Variants in CLVS1 observed in about 807,000 individuals in gnomAD.
The protein encoded by CLVS1 is clavesin-1.
Under a neutral mutation model 33.1 loss-of-function variants are expected in CLVS1, and 10 were observed. That is an observed-to-expected ratio of 0.30 (90% CI 0.19 to 0.51). CLVS1 has a LOEUF of 0.51. CLVS1 is among the 20% of genes least tolerant of loss of function. The probability of loss-of-function intolerance (pLI) is 0.97; values close to 1 mark genes in which losing one functional copy is unlikely to be tolerated. For synonymous variants in CLVS1, 163 were observed against 166.1 expected (o/e 0.98, Z 0.14); for missense variants, 343 against 433.4 (o/e 0.79, Z 1.85).
At chr8:60,969,771 A>G in the CLVS1 span, among the ~76,000 whole-genome samples, 1 of 152,242 alleles carries the variant, frequency 6.6e-6, no homozygotes, top group Non-Finnish European at 1.5e-5. Context: ...TAACCAACCT[A>G]GGATCAAAAA....
chr8:61,429,265 C>T (rs150370654), intron 3 of CLVS1, among the ~76,000 whole-genome samples: 5 of 151,748 alleles, frequency 3.3e-5, no homozygotes, highest in African/African-American at 1.2e-4. Flanking sequence ...ACTAAAAATA[C>T]AAAAATTAGC....
At chr8:61,223,855 G>A (rs1243727443) in intron 2 of CLVS1, among the ~76,000 whole-genome samples, 1 of 152,050 alleles carries the variant, frequency 6.6e-6, no homozygotes, top group Non-Finnish European at 1.5e-5. Context: ...TTTCTTGGAG[G>A]CTTTGCTCAT....
intron 2 of CLVS1, among the ~76,000 whole-genome samples, chr8:61,322,150 T>C (rs1381237757): frequency 6.6e-6 from 1 of 152,188 alleles, no homozygotes; most frequent in Non-Finnish European, 1.5e-5. Context: ...GAGTAGGTGC[T>C]CATTAAATAT....
rs73685741 is a variant in CLVS1, at chr8:61,138,449, A to C, written c.-152+6589A>C. On this transcript the variant is annotated intron_variant, in intron 2 of 2. Transcript: ENST00000522621. ...GGACAGGGAGTGGCTGATCAGACTT[A>C]ACTAAATGTCTAGCTAAAATGTCTT... Among the ~76,000 whole-genome samples, 1,164 of 152,360 alleles carry C rather than the reference A, an allele frequency of 7.6e-3. 16 individuals are homozygous for C. The highest frequency in any genetic ancestry group is 0.025 in the African/African-American group (1,056 of 41,576).
intron 2 of CLVS1, among the ~76,000 whole-genome samples, chr8:61,207,718 G>T (rs1807884685): frequency 6.6e-6 from 1 of 152,146 alleles, no homozygotes; most frequent in Admixed American, 6.6e-5. Context: ...GTTTTGGTAA[G>T]GGGGAAATGA....
chr8:61,357,489 C>CTTTTTTTTTTTTTTT (rs1462908906), intron 2 of CLVS1, among the ~76,000 whole-genome samples: 7 of 30,262 alleles, frequency 2.3e-4, no homozygotes, highest in South Asian at 1.4e-3. Flanking sequence ...TTTCCTTTTT[C>CTTTTTTTTTTTTTTT]TTTTCTTTTT....
intron 3 of CLVS1, among the ~76,000 whole-genome samples, chr8:61,448,010 G>A (rs969807594): frequency 5.3e-5 from 8 of 152,052 alleles, no homozygotes; most frequent in African/African-American, 1.7e-4. Flanking sequence ...TTCTTGAAGA[G>A]CATTTTTACT....
chr8:61,153,735 C>T (rs1806592174), intron 2 of CLVS1, among the ~76,000 whole-genome samples: 1 of 152,064 alleles, frequency 6.6e-6, no homozygotes, highest in Admixed American at 6.6e-5. Flanking sequence ...AAACTCTGTG[C>T]CCTGCTTACA....
intron 2 of CLVS1, among the ~76,000 whole-genome samples, chr8:61,306,525 C>T (rs140567026): frequency 3.7e-4 from 56 of 152,148 alleles, no homozygotes; most frequent in African/African-American, 1.2e-3. Flanking sequence ...TGCTGTATAC[C>T]ACATTGTCTT....
chr8:61,241,879 T>C (rs1304018236), intron 2 of CLVS1, among the ~76,000 whole-genome samples: 1 of 152,228 alleles, frequency 6.6e-6, no homozygotes, highest in Non-Finnish European at 1.5e-5. Context: ...TCTGATTTAG[T>C]TGGCCTTCAT....
At chr8:61,182,520 A>G (rs1807259048) in intron 2 of CLVS1, among the ~76,000 whole-genome samples, 1 of 152,376 alleles carries the variant, frequency 6.6e-6, no homozygotes, top group East Asian at 1.9e-4. Flanking sequence ...AAGTGGGCAA[A>G]GAATATGAAC....
chr8:61,277,635 G>A lies in CLVS1; in HGVS notation c.-151-22042G>A, dbSNP rs138425829. ...TTTGTTCTTCCCAACAAATGCTTGG[G>A]GGGGTAGGGAAGAAATAAAGTTCTT... On this transcript the variant is annotated intron_variant, in intron 2 of 2. Coordinates refer to the CLVS1 transcript ENST00000522621. Among the ~76,000 whole-genome samples the A allele has an allele frequency of 2.1e-3, 326 of 152,204 alleles. 1 individual carries two copies. Among genetic ancestry groups the A allele is most frequent in the Non-Finnish European group, 3.9e-3 (267 of 68,012 alleles).
At chr8:61,299,467 A>G (rs1283873487) in intron 1 of CLVS1, among the ~76,000 whole-genome samples, 1 of 152,202 alleles carries the variant, frequency 6.6e-6, no homozygotes, top group African/African-American at 2.4e-5. Flanking sequence ...CATATTTCAA[A>G]TATTTGCATG....
At chr8:61,432,118 C>G (rs145434368) in intron 3 of CLVS1, among the ~76,000 whole-genome samples, 43 of 152,206 alleles carry the variant, frequency 2.8e-4, no homozygotes, top group East Asian at 1.7e-3. Flanking sequence ...AAAAAGTATG[C>G]CTTAGAATGG....
Position 61,499,594 on chromosome 8 carries a change from AC to A in CLVS1, c.*55del, listed in dbSNP as rs1351605863. The A allele has an allele frequency of 2.1e-6, 3 of 1,401,826 alleles. No individual in the cohort carries two copies. The South Asian group carries it at 3.5e-5, about 16-fold the overall frequency. The allele number at this position is 1,401,826 out of a possible 1,614,324, so 86.8% of individuals were successfully genotyped here. A position where few individuals can be genotyped will look rare whatever the true frequency, so the allele number is the denominator to read the frequency against. ...ACACTGGCCTTCAGTGGTATCAGCC[AC>A]CCAGGAAGCACATGCACAACTGACC... is the stretch of plus-strand genomic sequence containing the variant. On this transcript the variant is annotated 3_prime_UTR_variant, in exon 6 of 6. Transcript: ENST00000325897.
chr8:61,156,499 G>A (rs530231337), intron 2 of CLVS1, among the ~76,000 whole-genome samples: 1 of 151,956 alleles, frequency 6.6e-6, no homozygotes, highest in Non-Finnish European at 1.5e-5. Context: ...GGAAAAGTCC[G>A]AACTTTCCTA....
rs372995879 is a variant in CLVS1, at chr8:61,466,800, A to G, written c.977+8258A>G. Among the ~76,000 whole-genome samples the G allele has an allele frequency of 4.6e-5, 7 of 152,240 alleles. No individual in the cohort carries two copies. In the East Asian group the frequency reaches 1.2e-3, roughly 25 times the overall value. The stretch of plus-strand genomic sequence containing the variant: ...GTAGCTGGGATTACAGGTGCCCACC[A>G]CCACACTCAGCTAATTTTTTGTATT... On this transcript the variant is annotated intron_variant, in intron 5 of 5. Coordinates refer to ENST00000325897, the MANE Select transcript of CLVS1 (RefSeq NM_173519.3).
At chr8:61,466,647 T>C (rs988577528) in intron 5 of CLVS1, among the ~76,000 whole-genome samples, 5 of 152,192 alleles carry the variant, frequency 3.3e-5, no homozygotes, top group African/African-American at 9.7e-5. Context: ...ATTATTGTTA[T>C]TTTATTATTA....
chr8:61,197,561 C>A (rs2129304157), intron 2 of CLVS1, among the ~76,000 whole-genome samples: 1 of 152,146 alleles, frequency 6.6e-6, no homozygotes, highest in East Asian at 1.9e-4. Context: ...ACTCTGTTGC[C>A]CAGGCTGGAG....
Sources: gnomAD v4.1 joint callset for allele counts (sites outside exome capture counted in the v4.1 genomes callset) on GRCh38, gnomAD v4.1.1 for gene constraint, MANE v1.5 for transcripts, NCBI Gene and HGNC (gene_info 2026-07-23, HGNC 2026-07-21) for gene names.